Variants in PHACTR1 observed in about 807,000 individuals in gnomAD.
PHACTR1 encodes the protein RPEL repeat containing 1.
In PHACTR1, 16 loss-of-function variants were observed where a neutral mutation model predicts 69.2. That is an observed-to-expected ratio of 0.23 (90% CI 0.16 to 0.35). The LOEUF (loss-of-function observed/expected upper bound fraction) is 0.35. PHACTR1 is among the 10% of genes least tolerant of loss of function. The pLI, the probability that PHACTR1 is intolerant of heterozygous loss-of-function variation, is 1.00. For synonymous variants in PHACTR1, 312 were observed against 284.5 expected (o/e 1.10, Z -0.97); for missense variants, 510 against 734.7 (o/e 0.69, Z 3.54).
rs1779764318 is a variant in PHACTR1, at chr6:13,279,840, A to C, written c.1509+1511A>C. 3 of 152,230 alleles carry C rather than the reference A, an allele frequency of 2.0e-5. No homozygotes were observed. The South Asian group carries it at 6.2e-4, about 32-fold the overall frequency. The allele number at this position is 152,230 out of a possible 1,614,324, so 9.4% of individuals were successfully genotyped here. On this transcript the variant is annotated intron_variant, in intron 12 of 14. Coordinates refer to ENST00000332995, the MANE Select transcript of PHACTR1 (RefSeq NM_030948.6). Reference sequence around the variant, plus strand: ...GTGAGAAGAGCAGGAGAGATGCATTAGCTTTTTCTCATCGTGTCCTTGAAA... The same window carrying C: ...GTGAGAAGAGCAGGAGAGATGCATTCGCTTTTTCTCATCGTGTCCTTGAAA...
intron 4 of PHACTR1, among the ~76,000 whole-genome samples, chr6:13,035,915 A>G (rs1454667973): frequency 6.6e-6 from 1 of 152,200 alleles, no homozygotes; most frequent in Non-Finnish European, 1.5e-5. Context: ...CTTAAACACA[A>G]ACGTAATATT....
chr6:12,937,351 A>T (rs1177772827), intron 4 of PHACTR1, among the ~76,000 whole-genome samples: 1 of 151,968 alleles, frequency 6.6e-6, no homozygotes, highest in Non-Finnish European at 1.5e-5. Flanking sequence ...ATACTAATTG[A>T]GTGGATTTTT....
In PHACTR1 at chr6:13,162,260, C is replaced by T. The variant is rs542240696; in HGVS notation, c.496+1976C>T. On this transcript the variant is annotated intron_variant, in intron 6 of 14. Transcript: ENST00000332995. ...GACCACAGGTGCGCACCACCATGCA[C>T]GGCTACTTTTGTTTTTTTGTTTGTT... 2.5e-4 allele frequency among the ~76,000 whole-genome samples: 36 copies of T among 143,592 alleles called. 2 individuals carry two copies. The highest frequency in any genetic ancestry group is 6.5e-4 in the South Asian group (3 of 4,606). 94.2% of individuals were successfully genotyped at this position (143,592 alleles called of 152,430 possible).
At chr6:12,772,990 T>C (rs529252195) in intron 4 of PHACTR1, among the ~76,000 whole-genome samples, 11 of 152,296 alleles carry the variant, frequency 7.2e-5, no homozygotes, top group African/African-American at 2.6e-4. Flanking sequence ...CAGACATTTA[T>C]ATGAAGATAC....
rs893953400 is a variant in PHACTR1 at position 13,240,843 on chromosome 6, C to A, written c.1391+10650C>A. Among the ~76,000 whole-genome samples, 10 of 152,190 alleles carry A rather than the reference C, an allele frequency of 6.6e-5. No individual in the cohort carries two copies. In the East Asian group the frequency reaches 1.7e-3, roughly 26 times the overall value. ...ATACGTGCCATTTATAACTTTAAAG[C>A]CTGTTGCTGTAGATAAAGTGTTTCC... On this transcript the variant is annotated intron_variant, in intron 10 of 14. Coordinates refer to ENST00000332995, the MANE Select transcript of PHACTR1 (RefSeq NM_030948.6).
chr6:12,977,451 G>A (rs1204085380), intron 4 of PHACTR1, among the ~76,000 whole-genome samples: 2 of 150,944 alleles, frequency 1.3e-5, no homozygotes, highest in African/African-American at 4.9e-5. Context: ...AACTATCTAG[G>A]ACCCATTTCT....
At chr6:13,091,318 C>T (rs937361131) in intron 5 of PHACTR1, among the ~76,000 whole-genome samples, 19 of 152,268 alleles carry the variant, frequency 1.2e-4, no homozygotes, top group African/African-American at 4.6e-4. Context: ...TTGTTAACTT[C>T]TACTAAAGTT....
intron 4 of PHACTR1, among the ~76,000 whole-genome samples, chr6:13,039,356 T>C (rs1336111171): frequency 6.6e-6 from 1 of 152,188 alleles, no homozygotes; most frequent in Non-Finnish European, 1.5e-5. Flanking sequence ...CCTTCAAAAA[T>C]ATTTTCTATT....
At chr6:13,252,339 A>AG (rs1442673987) in intron 10 of PHACTR1, among the ~76,000 whole-genome samples, 1 of 151,368 alleles carries the variant, frequency 6.6e-6, no homozygotes, top group African/African-American at 2.4e-5. Context: ...AAAAAAAAAA[A>AG]AAAAGAAAAA....
chr6:13,133,951 C>G (rs1033833622), intron 5 of PHACTR1, among the ~76,000 whole-genome samples: 3 of 151,874 alleles, frequency 2.0e-5, no homozygotes, highest in African/African-American at 7.3e-5. Context: ...CCCGCCACCC[C>G]GTCTATGATG....
At chr6:13,208,879 T>A (rs879647374) in intron 8 of PHACTR1, among the ~76,000 whole-genome samples, 10 of 151,388 alleles carry the variant, frequency 6.6e-5, no homozygotes, top group Non-Finnish European at 1.3e-4. Context: ...GATAAGGGAA[T>A]TTTGGTGGGG....
At chr6:13,155,422 A>G (rs1191589913) in intron 5 of PHACTR1, among the ~76,000 whole-genome samples, 10 of 152,156 alleles carry the variant, frequency 6.6e-5, no homozygotes. Context: ...TTAATTTCTC[A>G]GCTTTTCTTT....
At chr6:13,125,040 AG>A (rs1447747075) in intron 5 of PHACTR1, among the ~76,000 whole-genome samples, 1 of 152,212 alleles carries the variant, frequency 6.6e-6, no homozygotes, top group African/African-American at 2.4e-5. Context: ...AAAATGATAA[AG>A]GGGCATAGAG....
chr6:13,192,003 G>A lies in PHACTR1; in HGVS notation c.664+9317G>A, dbSNP rs180781129. ...GATTTCTATAACCAGGGCAAAGAGCGTAGCAAAATACCTGTCTTTTTTGTA... is the reference window on the plus strand; with the variant it reads ...GATTTCTATAACCAGGGCAAAGAGCATAGCAAAATACCTGTCTTTTTTGTA... On this transcript the variant is annotated intron_variant, in intron 7 of 14. Transcript: ENST00000332995. Among the ~76,000 whole-genome samples the A allele has an allele frequency of 2.7e-3, 407 of 152,336 alleles. 5 individuals carry two copies. Among genetic ancestry groups the A allele is most frequent in the African/African-American group, 8.8e-3 (365 of 41,574 alleles).
chr6:12,830,615 G>A (rs1055618753), intron 4 of PHACTR1, among the ~76,000 whole-genome samples: 1 of 151,824 alleles, frequency 6.6e-6, no homozygotes, highest in Middle Eastern at 3.4e-3. Context: ...TTGAGACAGA[G>A]TTTCACTCTT....
chr6:12,719,101 G>A (rs1474919137), intron 3 of PHACTR1, among the ~76,000 whole-genome samples: 4 of 152,152 alleles, frequency 2.6e-5, no homozygotes, highest in African/African-American at 9.7e-5. Flanking sequence ...TGTTAGAAAT[G>A]ATTTCCTACC....
chr6:12,878,035 T>G (rs1222968695), intron 4 of PHACTR1, among the ~76,000 whole-genome samples: 4 of 152,212 alleles, frequency 2.6e-5, no homozygotes, highest in Non-Finnish European at 5.9e-5. Context: ...TCATGCTGGG[T>G]TGCAGTTGTC....
intron 4 of PHACTR1, among the ~76,000 whole-genome samples, chr6:12,998,015 G>T: frequency 6.6e-6 from 1 of 152,136 alleles, no homozygotes; most frequent in East Asian, 1.9e-4. Context: ...ACCCTAGTGT[G>T]CAAAGAACGT....
chr6:13,073,767 A>G (rs1809932726), intron 5 of PHACTR1, among the ~76,000 whole-genome samples: 1 of 152,148 alleles, frequency 6.6e-6, no homozygotes, highest in African/African-American at 2.4e-5. Context: ...ACCAGATGAC[A>G]CACAAGCCCC....
Sources: allele counts gnomAD v4.1 joint callset (sites outside exome capture counted in the v4.1 genomes callset), GRCh38; gene constraint gnomAD v4.1.1; transcripts MANE v1.5; gene names NCBI Gene and HGNC (gene_info 2026-07-23, HGNC 2026-07-21).